Variants in EXO1 observed in about 807,000 individuals in gnomAD.
EXO1 encodes exonuclease 1.
A neutral mutation model predicts 84.5 loss-of-function variants in EXO1; 69 were observed. The observed-to-expected ratio is 0.82, with a 90% CI of 0.67 to 1.00. EXO1 has a LOEUF of 1.00. EXO1 is among the 50% of genes least tolerant of loss of function. EXO1 has a pLI of 0.00. For missense variants in EXO1, 1,045 were observed against 1,000.7 expected, an observed-to-expected ratio of 1.04 and a Z score of -0.60; for synonymous variants, 373 against 366.1, an observed-to-expected ratio of 1.02 and a Z score of -0.21.
rs115625873 is a variant in EXO1, at chr1:241,874,948, A to G, written c.1514+2670A>G. ...AGAGAGAAAAGTTACCAGCTCCTGTATTCCACTAGAAGACTTCGAATGAAT... is the reference window on the plus strand; with the variant it reads ...AGAGAGAAAAGTTACCAGCTCCTGTGTTCCACTAGAAGACTTCGAATGAAT... On this transcript the variant is annotated intron_variant, in intron 12 of 15. Coordinates refer to ENST00000366548, the MANE Select transcript of EXO1 (RefSeq NM_130398.4). 1.3e-3 allele frequency among the ~76,000 whole-genome samples: 204 copies of G among 152,340 alleles called. 1 individual carries two copies. The highest frequency in any genetic ancestry group is 2.3e-3 in the Non-Finnish European group (154 of 68,030).
intron 6 of EXO1, among the ~76,000 whole-genome samples, chr1:241,855,519 C>A (rs1046363162): frequency 6.6e-6 from 1 of 152,230 alleles, no homozygotes; most frequent in African/African-American, 2.4e-5. Context: ...GCTGGCTTCA[C>A]CCAGTGGATC....
intron 12 of EXO1, among the ~76,000 whole-genome samples, chr1:241,877,055 T>C (rs1662445783): frequency 1.3e-5 from 2 of 152,244 alleles, no homozygotes; most frequent in South Asian, 2.1e-4. Flanking sequence ...CTCCTTTTAA[T>C]TGAATGCAAC....
At position 241,878,898 on chromosome 1, in the gene EXO1, T is replaced by C; in HGVS notation, c.1664T>C (p.Val555Ala). The C allele has an allele frequency of 6.2e-7, 1 of 1,614,114 alleles. No individual in the cohort carries two copies. The highest frequency in any genetic ancestry group is 8.5e-7 in the Non-Finnish European group (1 of 1,179,994). The change falls in exon 13 of 16, where the codon GTA (valine) becomes GCA (alanine). Residue 555 changes from valine (V) to alanine (A), a missense_variant. Transcript: ENST00000366548. The part of the protein sequence containing the change: ...QEGKRLVDTD[V>A]ARNSSDDIPN... The stretch of plus-strand genomic sequence containing the variant: ...GGCAAGAGACTGGTTGACACAGATG[T>C]AGCACGTAATTCAAGTGATGACATT...
chr1:241,884,480 G>A (rs866275262), intron 14 of EXO1, among the ~76,000 whole-genome samples: 6 of 152,174 alleles, frequency 3.9e-5, no homozygotes, highest in African/African-American at 1.4e-4. Context: ...ATAGAGGTTT[G>A]TTTAAGTAAG....
At chr1:241,859,098 T>C (rs763946364) in intron 8 of EXO1, among the ~76,000 whole-genome samples, 18 of 152,240 alleles carry the variant, frequency 1.2e-4, no homozygotes, top group Non-Finnish European at 2.4e-4. Context: ...GTAATATTTT[T>C]TGTTTATGTA....
chr1:241,889,414 C>G (rs371526667), intron 15 of EXO1, 51 bp from the exon 16 acceptor site: 32 of 1,536,722 alleles, frequency 2.1e-5, no homozygotes, highest in Admixed American at 1.0e-4. Context: ...TATTTCTTCT[C>G]TAATAATCAG....
intron 10 of EXO1, among the ~76,000 whole-genome samples, chr1:241,863,758 C>T (rs1661541592): frequency 1.3e-5 from 2 of 152,182 alleles, no homozygotes. Flanking sequence ...ATACGGTAGC[C>T]ACTAGCCATG....
intron 4 of EXO1, 90 bp downstream of exon 4, chr1:241,850,676 T>C: frequency 9.6e-7 from 1 of 1,037,284 alleles, no homozygotes; most frequent in Non-Finnish European, 1.5e-6. Flanking sequence ...TTGTTTTCAC[T>C]CAATGCCAGA....
chr1:241,875,661 G>A (rs1199147230), intron 12 of EXO1, among the ~76,000 whole-genome samples: 1 of 152,166 alleles, frequency 6.6e-6, no homozygotes, highest in African/African-American at 2.4e-5. Context: ...GTCGGATCAT[G>A]AGGTCAGGAG....
chr1:241,861,198 C>T (rs1635512), intron 9 of EXO1, among the ~76,000 whole-genome samples: 94,229 of 152,162 alleles, frequency 0.62, 29,704 homozygotes, highest in East Asian at 0.8. Context: ...CCTGGGCCCT[C>T]GTCAGAAGAC....
intron 10 of EXO1, among the ~76,000 whole-genome samples, chr1:241,862,624 A>G (rs1237188613): frequency 2.6e-5 from 4 of 152,218 alleles, no homozygotes; most frequent in Admixed American, 2.0e-4. Context: ...ATTCTTTCCA[A>G]TAGAATGTGG....
chr1:241,861,523 C>T, intron 10 of EXO1, 21 bp downstream of exon 10: 1 of 1,247,436 alleles, frequency 8.0e-7, no homozygotes, highest in Non-Finnish European at 1.2e-6. Flanking sequence ...GATGACCACC[C>T]TATGAAAACA....
At chr1:241,871,994 T>G in intron 11 of EXO1, 38 bp from the exon 12 acceptor site, 1 of 1,583,584 alleles carries the variant, frequency 6.3e-7, no homozygotes, top group Non-Finnish European at 8.7e-7. Flanking sequence ...TAAGTACAGG[T>G]GAAACAAAGA....
chr1:241,852,521 T>A, intron 5 of EXO1, 110 bp downstream of exon 5: 2 of 938,500 alleles, frequency 2.1e-6, no homozygotes, highest in Non-Finnish European at 3.4e-6. Flanking sequence ...GGCTTGCACC[T>A]GTTGTCCTAG....
chr1:241,866,432 A>G (rs1005500881), intron 10 of EXO1, among the ~76,000 whole-genome samples: 1 of 151,872 alleles, frequency 6.6e-6, no homozygotes. Context: ...TTTAAAAGAC[A>G]CCGTTTTCCT....
At position 241,878,960 on chromosome 1, in the gene EXO1, A is replaced by G; in HGVS notation, c.1726A>G (p.Lys576Glu). Residue 576 changes from lysine (K) to glutamate (E), a missense_variant, in exon 13 of 16, where the codon AAG becomes GAG. Transcript: ENST00000366548. ...NHIPGDHIPD[K>E]ATVFTDEESY... is the part of the protein sequence containing the mutation. ...TATTCCAGGTGATCATATTCCAGAC[A>G]AGGCAACAGTGTTTACAGATGAAGA... The G allele has an allele frequency of 6.2e-7, 1 of 1,614,202 alleles. No homozygotes were observed. Among genetic ancestry groups the G allele is most frequent in the Non-Finnish European group, 8.5e-7 (1 of 1,180,032 alleles).
chr1:241,850,647 T>C, intron 4 of EXO1, 61 bp downstream of exon 4: 1 of 1,378,296 alleles, frequency 7.3e-7, no homozygotes. Context: ...AGTGCCTTTT[T>C]TTCTCCCCCA....
intron 6 of EXO1, among the ~76,000 whole-genome samples, chr1:241,855,830 G>T (rs1436386515): frequency 1.3e-5 from 2 of 152,240 alleles, no homozygotes; most frequent in Non-Finnish European, 2.9e-5. Context: ...CGGGTGCTAA[G>T]CCCTCATTGC....
chr1:241,879,183 A>T lies in EXO1; in HGVS notation c.1949A>T (p.Asp650Val). ...TCTTTGCCTGAGAATAATATGTCTG[A>T]TGTGTCGCAGTTAAAGAGCGAGGAG... ...PTSLPENNMS[D>V]VSQLKSEESS... The change falls in exon 13 of 16, where the codon GAT (aspartate) becomes GTT (valine). Residue 650 changes from aspartate to valine, a missense_variant. Transcript: ENST00000366548. 1 of 1,605,532 alleles carries T rather than the reference A, an allele frequency of 6.2e-7. No individual in the cohort carries two copies. Among genetic ancestry groups the T allele is most frequent in the South Asian group, 1.1e-5 (1 of 90,858 alleles).
Sources: allele counts gnomAD v4.1 joint callset (sites outside exome capture counted in the v4.1 genomes callset), GRCh38; gene constraint gnomAD v4.1.1; transcripts MANE v1.5; gene names NCBI Gene and HGNC (gene_info 2026-07-23, HGNC 2026-07-21).